Variants in ITGB4 observed in about 807,000 individuals in gnomAD.
ITGB4 encodes integrin subunit beta 4.
ITGB4 carries 159 observed loss-of-function variants against 207.6 expected under a neutral mutation model. That is an observed-to-expected ratio of 0.77 (90% CI 0.67 to 0.87). The LOEUF (loss-of-function observed/expected upper bound fraction) is 0.87. Ranked by LOEUF, ITGB4 falls within the 40% of genes least tolerant of loss-of-function variation. ITGB4 has a pLI of 0.00. For synonymous variants in ITGB4, 1,020 were observed against 1,062.7 expected (o/e 0.96, Z 0.78); for missense variants, 2,278 against 2,546.8 (o/e 0.89, Z 2.27).
rs2061001892 is a variant in ITGB4 at position 75,737,367 on chromosome 17, A to G, written c.2036A>G (p.Asp679Gly). Residue 679 changes from aspartate (D) to glycine (G), a missense_variant, in exon 17 of 40, where the codon GAC becomes GGC. Transcript: ENST00000200181. ...TGCTCCTTCCGGGACGAGGATGACGACTGCACCTACAGCTACACCATGGAA... is the reference window on the plus strand; with the variant it reads ...TGCTCCTTCCGGGACGAGGATGACGGCTGCACCTACAGCTACACCATGGAA... ...VRCSFRDEDD[D>G]CTYSYTMEGD... is the part of the protein sequence containing the mutation. 1 of 1,586,230 alleles carries G rather than the reference A, an allele frequency of 6.3e-7. No individual in the cohort carries two copies. Among genetic ancestry groups the G allele is most frequent in the African/African-American group, 1.3e-5 (1 of 74,174 alleles).
chr17:75,728,174 C>T (rs1157845372), intron 5 of ITGB4, among the ~76,000 whole-genome samples: 1 of 152,220 alleles, frequency 6.6e-6, no homozygotes, highest in African/African-American at 2.4e-5. Flanking sequence ...CCTGCCCTTG[C>T]TGTACGCATA....
chr17:75,755,397 TC>T (rs1439205879), intron 34 of ITGB4, among the ~76,000 whole-genome samples: 1 of 151,884 alleles, frequency 6.6e-6, no homozygotes, highest in Non-Finnish European at 1.5e-5. Flanking sequence ...GCCTCTGCCC[TC>T]CCAGGGGGCG....
chr17:75,731,679 G>A lies in ITGB4; in HGVS notation c.1216-133G>A, dbSNP rs2060861780. ...GGAAGGAGGGAGTTTCCAGCCCTGA[G>A]GGAGGTGAGCAGGAGCTCATTTCAG... is the stretch of plus-strand genomic sequence containing the variant. On this transcript the variant is annotated intron_variant, in intron 10 of 39. Coordinates refer to ENST00000200181, the MANE Select transcript of ITGB4 (RefSeq NM_000213.5). The surrounding 1 kb of genome is among the most constrained non-coding windows in gnomAD (Gnocchi z 6.8). The A allele has an allele frequency of 1.0e-5, 10 of 1,000,068 alleles. No individual in the cohort carries two copies. The highest frequency in any genetic ancestry group is 2.6e-5 in the East Asian group (1 of 38,160). The allele number at this position is 1,000,068 out of a possible 1,614,324, so 61.9% of individuals were successfully genotyped here. A position where few individuals can be genotyped will look rare whatever the true frequency, so the allele number is the denominator to read the frequency against.
rs1043654582 is a variant in ITGB4, at chr17:75,727,387, C to G, written c.163-17C>G. On this transcript the variant is annotated splice_polypyrimidine_tract_variant and intron_variant, in intron 3 of 39. Transcript: ENST00000200181. The surrounding 1 kb of genome is among the most constrained non-coding windows in gnomAD (Gnocchi z 6.0). Reference sequence around the variant, plus strand: ...GAATGGGTGCTGCCCCCAGTGACCCCCTGTCCTTCTGGCCAGATGTTCAGG... The same window carrying G: ...GAATGGGTGCTGCCCCCAGTGACCCGCTGTCCTTCTGGCCAGATGTTCAGG... The G allele has an allele frequency of 3.1e-6, 5 of 1,613,928 alleles. No homozygotes were observed. The highest frequency in any genetic ancestry group is 4.5e-5 in the East Asian group (2 of 44,876).
At position 75,755,709 on chromosome 17, in the gene ITGB4, C is replaced by T. The variant is rs1291404509; in HGVS notation, c.4567C>T (p.Leu1523=). The T allele has an allele frequency of 1.9e-6, 3 of 1,612,986 alleles. No individual in the cohort carries two copies. The highest frequency in any genetic ancestry group is 4.5e-5 in the East Asian group (2 of 44,870). The change falls in exon 35 of 40, where the codon CTG becomes TTG. Residue 1523 remains leucine, a synonymous_variant. Transcript: ENST00000200181. ...LTSVSSHDSR[L]TAGVPDTPTR... is the part of the protein sequence containing the mutation. ...CGGCCTCCTGTCCCCAGACTCTCGC[C>T]TGACTGCTGGTGTGCCCGACACGCC...
rs142065461 is a variant in ITGB4, at chr17:75,740,845, A to G, written c.2603A>G (p.Lys868Arg). Reference protein sequence around the residue: ...ISGVHKLQQTKFRQQPNAGKK... With the variant: ...ISGVHKLQQTRFRQQPNAGKK... Reference sequence around the variant, plus strand: ...GGTGTACACAAGCTCCAGCAGACCAAGTTCCGGTGAGTCCCGGGGTGCCCG... The same window carrying G: ...GGTGTACACAAGCTCCAGCAGACCAGGTTCCGGTGAGTCCCGGGGTGCCCG... The change falls in exon 22 of 40, where the codon AAG becomes AGG. Residue 868 changes from lysine to arginine, a missense_variant. Physicochemically the swap from Lys to Arg is conservative, Grantham distance 26. Coordinates refer to ENST00000200181, the MANE Select transcript of ITGB4 (RefSeq NM_000213.5). The surrounding 1 kb of genome is among the most constrained non-coding windows in gnomAD (Gnocchi z 5.9). The G allele has an allele frequency of 4.3e-6, 7 of 1,613,616 alleles. No individual in the cohort carries two copies. In the African/African-American group the frequency reaches 9.3e-5, roughly 22 times the overall value.
Position 75,729,464 on chromosome 17 carries a change from C to G in ITGB4, c.738+28C>G, listed in dbSNP as rs369922465. The G allele has an allele frequency of 6.2e-7, 1 of 1,610,870 alleles. No homozygotes were observed. Among genetic ancestry groups the G allele is most frequent in the Non-Finnish European group, 8.5e-7 (1 of 1,178,438 alleles). On this transcript the variant is annotated intron_variant, in intron 7 of 39. Coordinates refer to ENST00000200181, the MANE Select transcript of ITGB4 (RefSeq NM_000213.5). This position sits in a 1 kb window ranked among gnomAD's most constrained non-coding sequence, Gnocchi z 4.4. ...GGGCACTGGGAAGGGTGCTGCCAGCCTAGGCCAGGGGTGAGCACTTCTGGG... is the reference window on the plus strand; with the variant it reads ...GGGCACTGGGAAGGGTGCTGCCAGCGTAGGCCAGGGGTGAGCACTTCTGGG...
At chr17:75,728,737 C>T (rs927169425) in intron 6 of ITGB4, among the ~76,000 whole-genome samples, 13 of 152,112 alleles carry the variant, frequency 8.5e-5, no homozygotes, top group African/African-American at 3.1e-4. Flanking sequence ...GTAATCCTAG[C>T]ACTTTGGGAG....
Position 75,756,632 on chromosome 17 carries a change from C to T in ITGB4, c.4897+15C>T, listed in dbSNP as rs1253222907. On this transcript the variant is annotated intron_variant, in intron 36 of 39. Coordinates refer to ENST00000200181, the MANE Select transcript of ITGB4 (RefSeq NM_000213.5). Reference sequence around the variant, plus strand: ...TCCCCTGCCAGGTGAGTTGCCTCCCCCAGCCCCAGAGCTGCCCCCATCATG... The same window carrying T: ...TCCCCTGCCAGGTGAGTTGCCTCCCTCAGCCCCAGAGCTGCCCCCATCATG... The T allele has an allele frequency of 7.4e-6, 12 of 1,612,900 alleles. No homozygotes were observed. Among genetic ancestry groups the T allele is most frequent in the Non-Finnish European group, 1.0e-5 (12 of 1,179,900 alleles).
In ITGB4 at chr17:75,748,999, C is replaced by T. The variant is rs1376895493; in HGVS notation, c.3270C>T (p.Ala1090=). 1.2e-6 allele frequency: 2 copies of T among 1,612,946 alleles called. No individual in the cohort carries two copies. The highest frequency in any genetic ancestry group is 1.7e-6 in the Non-Finnish European group (2 of 1,180,008). The change falls in exon 27 of 40, where the codon GCC becomes GCT. Residue 1090 remains alanine, a synonymous_variant. Transcript: ENST00000200181. ...AGCTCAGCAACCCTAAGTTTGGGGCCCACCTGGGCCAGCCCCACTCCACCA... is the reference window on the plus strand; with the variant it reads ...AGCTCAGCAACCCTAAGTTTGGGGCTCACCTGGGCCAGCCCCACTCCACCA... The part of the protein sequence containing the change: ...HVQLSNPKFG[A]HLGQPHSTTI...
At position 75,757,313 on chromosome 17, in the gene ITGB4, G is replaced by A. The variant is rs764842316; in HGVS notation, c.5329+3G>A. 1 of 1,612,500 alleles carries A rather than the reference G, an allele frequency of 6.2e-7. No individual in the cohort carries two copies. The highest frequency in any genetic ancestry group is 8.5e-7 in the Non-Finnish European group (1 of 1,179,956). On this transcript the variant is annotated splice_donor_region_variant and intron_variant, in intron 39 of 39. Transcript: ENST00000200181. ...CGCCACCGAGCCCTTCCTAGTGGGT[G>A]AGCACTGAGGGCTAGGGGATCCCGG...
chr17:75,755,083 GAGC>G lies in ITGB4; in HGVS notation c.4558+271_4558+273del, dbSNP rs780960911. ...TCCCTCCCATCTGGGAACACGGGAG[GAGC>G]AGGCTTCCGCTGTCCTGGGCCCTGG... On this transcript the variant is annotated intron_variant, in intron 34 of 39. Coordinates refer to ENST00000200181, the MANE Select transcript of ITGB4 (RefSeq NM_000213.5). 2.7e-5 allele frequency: 43 copies of G among 1,601,328 alleles called. No homozygotes were observed. The African/African-American group carries it at 5.5e-4, about 20-fold the overall frequency.
intron 27 of ITGB4, 125 bp from the exon 28 acceptor site, chr17:75,749,986 G>A (rs1599297442): frequency 5.0e-6 from 6 of 1,190,172 alleles, no homozygotes; most frequent in East Asian, 2.3e-5. Flanking sequence ...CTCCAGAGAC[G>A]CGGGTGGGCA....
rs893727948 is a variant in ITGB4 at position 75,739,530 on chromosome 17, C to G, written c.2221-142C>G. 1 of 943,202 alleles carries G rather than the reference C, an allele frequency of 1.1e-6. No homozygotes were observed. The highest frequency in any genetic ancestry group is 1.7e-6 in the Non-Finnish European group (1 of 592,478). The allele number at this position is 943,202 out of a possible 1,614,324, so 58.4% of individuals were successfully genotyped here. A position where few individuals can be genotyped will look rare whatever the true frequency, so the allele number is the denominator to read the frequency against. On this transcript the variant is annotated intron_variant, in intron 18 of 39. Transcript: ENST00000200181. The surrounding 1 kb of genome is among the most constrained non-coding windows in gnomAD (Gnocchi z 5.4). ...ATGCCCTTGTGTGCCATGCTTACAC[C>G]CTGCTACCACCTGGATATTCTGGTG...
In ITGB4 at chr17:75,736,674, T is replaced by C; in HGVS notation, c.1970T>C (p.Met657Thr). 6.3e-7 allele frequency: 1 copy of C among 1,596,996 alleles called. No individual in the cohort carries two copies. The highest frequency in any genetic ancestry group is 1.1e-5 in the South Asian group (1 of 87,752). Residue 657 changes from methionine to threonine, a missense_variant, in exon 16 of 40, where the codon ATG becomes ACG. Transcript: ENST00000200181. Reference sequence around the variant, plus strand: ...GAGGAATGCAACTTCAAGGTCAAGATGGTGGACGAGCTTAAGAGAGGTAGG... The same window carrying C: ...GAGGAATGCAACTTCAAGGTCAAGACGGTGGACGAGCTTAAGAGAGGTAGG... ...TCEECNFKVK[M>T]VDELKRAEEV...
chr17:75,728,941 G>A (rs1378714929), intron 6 of ITGB4, among the ~76,000 whole-genome samples: 4 of 146,560 alleles, frequency 2.7e-5, no homozygotes, highest in Non-Finnish European at 5.9e-5. Context: ...CCAGGATTGC[G>A]CCACTGCACT....
intron 13 of ITGB4, among the ~76,000 whole-genome samples, chr17:75,734,290 C>T (rs2060930100): frequency 6.6e-6 from 1 of 151,946 alleles, no homozygotes; most frequent in Admixed American, 6.6e-5. Context: ...GCATGCACCA[C>T]CATGCCCAGC....
rs764562657 is a variant in ITGB4 at position 75,739,909 on chromosome 17, T to C, written c.2284T>C (p.Tyr762His). Residue 762 changes from tyrosine to histidine, a missense_variant, in exon 20 of 40, where the codon TAC becomes CAC. Transcript: ENST00000200181. This position sits in a 1 kb window ranked among gnomAD's most constrained non-coding sequence, Gnocchi z 5.4. ...CATGGTGGGCTTTAAGGAAGACCAC[T>C]ACATGCTGCGGGAGAACCTGATGGC... ...GHMVGFKEDHYMLRENLMASD... is the reference protein window; with the variant it reads ...GHMVGFKEDHHMLRENLMASD... The C allele has an allele frequency of 6.2e-7, 1 of 1,613,496 alleles. No individual in the cohort carries two copies. The highest frequency in any genetic ancestry group is 1.1e-5 in the South Asian group (1 of 91,090).
chr17:75,733,734 G>A, intron 13 of ITGB4, 42 bp downstream of exon 13: 6 of 1,591,008 alleles, frequency 3.8e-6, no homozygotes, highest in Non-Finnish European at 5.2e-6. Flanking sequence ...GCGGGGTAGG[G>A]AGTGGACAGC....
Sources: allele counts gnomAD v4.1 joint callset (sites outside exome capture counted in the v4.1 genomes callset), GRCh38; gene constraint gnomAD v4.1.1; non-coding constraint Gnocchi (gnomAD v3.1); transcripts MANE v1.5; gene names NCBI Gene and HGNC (gene_info 2026-07-23, HGNC 2026-07-21).